Variants in F10 observed in about 807,000 individuals in gnomAD.
F10 encodes Stuart-Prower factor.
In F10, 29 loss-of-function variants were observed where a neutral mutation model predicts 37.1. The observed-to-expected ratio is 0.78, with a 90% CI of 0.58 to 1.07. The LOEUF (loss-of-function observed/expected upper bound fraction) is 1.07, where lower values mean the gene tolerates loss of function less well. Ranked by LOEUF, F10 falls within the 50% of genes least tolerant of loss-of-function variation. The pLI is 0.00. For synonymous variants in F10, 262 were observed against 268.6 expected (o/e 0.98, Z 0.24); for missense variants, 539 against 667.9 (o/e 0.81, Z 2.13).
chr13:113,143,700 C>CCAAGTCAGTGTAGATCTCG lies in F10; in HGVS notation c.503-151_503-150insCAAGTCAGTGTAGATCTCG. The stretch of plus-strand genomic sequence containing the variant: ...CTGCAGATCCGACCCCTGCCGACGA[C>CCAAGTCAGTGTAGATCTCG]GTGGGGCCTCGCCCTGCAAGCCCGC... On this transcript the variant is annotated intron_variant, in intron 5 of 7. Transcript: ENST00000375559. This position sits in a 1 kb window ranked among gnomAD's most constrained non-coding sequence, Gnocchi z 6.8. 1 of 1,143,906 alleles carries CCAAGTCAGTGTAGATCTCG rather than the reference C, an allele frequency of 8.7e-7. No individual in the cohort carries two copies. The highest frequency in any genetic ancestry group is 2.5e-5 in the Admixed American group (1 of 40,568). The allele number at this position is 1,143,906 out of a possible 1,614,324, so 70.9% of individuals were successfully genotyped here.
rs772202237 is a variant in F10 at position 113,139,329 on chromosome 13, C to T, written c.257-28C>T. 4 of 1,585,918 alleles carry T rather than the reference C, an allele frequency of 2.5e-6. No homozygotes were observed. Among genetic ancestry groups the T allele is most frequent in the Non-Finnish European group, 3.5e-6 (4 of 1,154,872 alleles). ...CATGATGCCGGAAACAGCTTGCAGA[C>T]TCCAGTTTCGAAATCCTCTCTTTGC... On this transcript the variant is annotated intron_variant, in intron 3 of 7. Transcript: ENST00000375559. This position sits in a 1 kb window ranked among gnomAD's most constrained non-coding sequence, Gnocchi z 5.2.
chr13:113,137,343 A>C (rs939932365), intron 2 of F10, among the ~76,000 whole-genome samples: 2 of 151,612 alleles, frequency 1.3e-5, no homozygotes, highest in East Asian at 3.9e-4. Flanking sequence ...GGGTTTGCCA[A>C]GGGTTGGCAG....
Position 113,146,824 on chromosome 13 carries a change from T to C in F10, c.748-555T>C, listed in dbSNP as rs2036586693. On this transcript the variant is annotated intron_variant, in intron 6 of 7. Transcript: ENST00000375559. The surrounding 1 kb of genome is among the most constrained non-coding windows in gnomAD (Gnocchi z 4.5). Reference sequence around the variant, plus strand: ...AGTCCAGCTCCCTAGGGACAGCATGTGGCACCCCTGTCAGTGCTTGCTCCC... The same window carrying C: ...AGTCCAGCTCCCTAGGGACAGCATGCGGCACCCCTGTCAGTGCTTGCTCCC... 6.6e-6 allele frequency among the ~76,000 whole-genome samples: 1 copy of C among 152,124 alleles called. No individual in the cohort carries two copies. Among genetic ancestry groups the C allele is most frequent in the Non-Finnish European group, 1.5e-5 (1 of 68,010 alleles).
In F10 at chr13:113,122,918, G is replaced by A; in HGVS notation, c.63G>A (p.Gly21=). The change falls in exon 1 of 8, where the codon GGG becomes GGA. Residue 21 remains glycine (G), a synonymous_variant. Coordinates refer to ENST00000375559, the MANE Select transcript of F10 (RefSeq NM_000504.4). The part of the protein sequence containing the change: ...SASLAGLLLL[G]ESLFIRREQA... Reference sequence around the variant, plus strand: ...CCCTGGCTGGCCTCCTGCTGCTCGGGGAAAGTCGTAAGTGCCCCTCGCCCT... The same window carrying A: ...CCCTGGCTGGCCTCCTGCTGCTCGGAGAAAGTCGTAAGTGCCCCTCGCCCT... 3 of 1,609,860 alleles carry A rather than the reference G, an allele frequency of 1.9e-6. No individual in the cohort carries two copies. The highest frequency in any genetic ancestry group is 2.7e-5 in the African/African-American group (2 of 75,070).
At chr13:113,130,009 G>A (rs1374159202) in intron 2 of F10, 1 of 336,762 alleles carries the variant, frequency 3.0e-6, no homozygotes, top group Non-Finnish European at 5.8e-6. Flanking sequence ...GTCCTGCCTT[G>A]GCCTCCGTAG....
intron 2 of F10, among the ~76,000 whole-genome samples, chr13:113,132,337 TCTTTA>T (rs1407503113): frequency 6.6e-6 from 1 of 152,230 alleles, no homozygotes; most frequent in African/African-American, 2.4e-5. Context: ...CAAACACTCT[TCTTTA>T]CTTATATATA....
intron 2 of F10, among the ~76,000 whole-genome samples, chr13:113,137,915 T>G (rs539091956): frequency 6.6e-6 from 1 of 152,340 alleles, no homozygotes; most frequent in East Asian, 1.9e-4. Context: ...AAGGTTCTAT[T>G]CTGAGGCTGC....
Position 113,149,525 on chromosome 13 carries a change from C to T in F10, c.*8C>T. On this transcript the variant is annotated 3_prime_UTR_variant, in exon 8 of 8. Transcript: ENST00000375559. This position sits in a 1 kb window ranked among gnomAD's most constrained non-coding sequence, Gnocchi z 7.5. Reference sequence around the variant, plus strand: ...TCCTCTCCATTAAAGTGAGATCCCACTCAAGGCCTGGTTTGTCTCTCGATT... The same window carrying T: ...TCCTCTCCATTAAAGTGAGATCCCATTCAAGGCCTGGTTTGTCTCTCGATT... The T allele has an allele frequency of 1.2e-6, 2 of 1,613,018 alleles. No homozygotes were observed. Among genetic ancestry groups the T allele is most frequent in the South Asian group, 1.1e-5 (1 of 91,086 alleles).
At chr13:113,124,418 C>T (rs1387920046) in intron 1 of F10, among the ~76,000 whole-genome samples, 2 of 152,228 alleles carry the variant, frequency 1.3e-5, no homozygotes, top group South Asian at 2.1e-4. Context: ...CTGTGTGATG[C>T]GGGCCTGGCT....
Position 113,143,725 on chromosome 13 carries a change from C to CTGCCCCTCCGGG in F10, c.503-118_503-107dup. On this transcript the variant is annotated intron_variant, in intron 5 of 7. Transcript: ENST00000375559. The surrounding 1 kb of genome is among the most constrained non-coding windows in gnomAD (Gnocchi z 6.8). ...CGTGGGGCCTCGCCCTGCAAGCCCG[C>CTGCCCCTCCGGG]TGCCCCTCCGGGTGCCCCTGCGCTC... is the stretch of plus-strand genomic sequence containing the variant. 1 of 1,456,344 alleles carries CTGCCCCTCCGGG rather than the reference C, an allele frequency of 6.9e-7. No homozygotes were observed. The highest frequency in any genetic ancestry group is 2.5e-4 in the Middle Eastern group (1 of 4,024). The allele number at this position is 1,456,344 out of a possible 1,614,324, so 90.2% of individuals were successfully genotyped here. A position where few individuals can be genotyped will look rare whatever the true frequency, so the allele number is the denominator to read the frequency against.
At chr13:113,148,045 A>AG (rs1354914792) in intron 7 of F10, among the ~76,000 whole-genome samples, 3 of 152,178 alleles carry the variant, frequency 2.0e-5, no homozygotes, top group Non-Finnish European at 4.4e-5. Flanking sequence ...ATATAAAAAA[A>AG]CAGGCTGGGT....
In F10 at chr13:113,147,493, G is replaced by A; in HGVS notation, c.862G>A (p.Val288Ile). ...LYQAKRFKVR[V>I]GDRNTEQEEG... ...CCAAGCCAAGAGATTCAAGGTGAGG[G>A]TAGGTAAGTGACCAACAGCCCCCAG... The change falls in exon 7 of 8, where the codon GTA becomes ATA. Residue 288 changes from valine to isoleucine, a missense_variant. Physicochemically the swap from Val to Ile is conservative, Grantham distance 29 (BLOSUM62 3). Coordinates refer to ENST00000375559, the MANE Select transcript of F10 (RefSeq NM_000504.4). 4 of 1,605,804 alleles carry A rather than the reference G, an allele frequency of 2.5e-6. No individual in the cohort carries two copies. The highest frequency in any genetic ancestry group is 3.4e-6 in the Non-Finnish European group (4 of 1,172,336).
rs1209928296 is a variant in F10, at chr13:113,144,119, G to A, written c.747+24G>A. The A allele has an allele frequency of 2.5e-6, 4 of 1,612,696 alleles. No homozygotes were observed. Among genetic ancestry groups the A allele is most frequent in the African/African-American group, 1.3e-5 (1 of 74,916 alleles). On this transcript the variant is annotated intron_variant, in intron 6 of 7. Coordinates refer to ENST00000375559, the MANE Select transcript of F10 (RefSeq NM_000504.4). The surrounding 1 kb of genome is among the most constrained non-coding windows in gnomAD (Gnocchi z 6.4). ...AGGTAACAGTAGGATGTCCCCTCGG[G>A]CCTGCTGGAGAGACCACCTGTCCCG...
rs1162207115 is a variant in F10 at position 113,143,687 on chromosome 13, C to T, written c.503-164C>T. Among the ~76,000 whole-genome samples the T allele has an allele frequency of 6.6e-6, 1 of 152,168 alleles. No homozygotes were observed. ...CAGCTGCGCTCACCTGCAGATCCGA[C>T]CCCTGCCGACGACGTGGGGCCTCGC... On this transcript the variant is annotated intron_variant, in intron 5 of 7. Coordinates refer to ENST00000375559, the MANE Select transcript of F10 (RefSeq NM_000504.4). The surrounding 1 kb of genome is among the most constrained non-coding windows in gnomAD (Gnocchi z 6.8).
intron 7 of F10, among the ~76,000 whole-genome samples, chr13:113,148,350 ATATATATATATATGTATATATATATGTG>A (rs1566922275): frequency 2.1e-4 from 23 of 109,324 alleles, no homozygotes; most frequent in African/African-American, 7.5e-4. Context: ...AAAAAAATAT[ATATATATATATATGTATATATATATGTG>A]TATATATATA....
intron 6 of F10, among the ~76,000 whole-genome samples, chr13:113,145,175 C>T (rs577114625): frequency 1.8e-4 from 28 of 152,250 alleles, no homozygotes; most frequent in African/African-American, 5.1e-4. Context: ...ACAATGTGCC[C>T]GGCCATGCCT....
At position 113,124,167 on chromosome 13, in the gene F10, G is replaced by A. The variant is rs565553733; in HGVS notation, c.70+1242G>A. On this transcript the variant is annotated intron_variant, in intron 1 of 7. Transcript: ENST00000375559. ...CCGGGGCTCCCGAGGCCCTAAGCCCGGCCCGGGACTCTGGAAGCTGCTCTG... is the reference window on the plus strand; with the variant it reads ...CCGGGGCTCCCGAGGCCCTAAGCCCAGCCCGGGACTCTGGAAGCTGCTCTG... 2.3e-3 allele frequency among the ~76,000 whole-genome samples: 352 copies of A among 151,896 alleles called. 1 individual carries two copies. Among genetic ancestry groups the A allele is most frequent in the African/African-American group, 8.1e-3 (332 of 41,220 alleles).
At chr13:113,125,797 G>C (rs927906900) in intron 1 of F10, among the ~76,000 whole-genome samples, 1 of 152,248 alleles carries the variant, frequency 6.6e-6, no homozygotes, top group Non-Finnish European at 1.5e-5. Context: ...TGCTAGGCAC[G>C]GGCATACAGC....
rs1051678058 is a variant in F10, at chr13:113,144,322, C to T, written c.747+227C>T. ...GGCCGGGGCTGAGGGAGAGGCTGGG[C>T]CCAGGCAACGCCCCCCTCAGCCCCT... On this transcript the variant is annotated intron_variant, in intron 6 of 7. Transcript: ENST00000375559. The surrounding 1 kb of genome is among the most constrained non-coding windows in gnomAD (Gnocchi z 6.4). 5.0e-5 allele frequency: 32 copies of T among 636,314 alleles called. No individual in the cohort carries two copies. Among genetic ancestry groups the T allele is most frequent in the Non-Finnish European group, 7.3e-5 (27 of 370,116 alleles). The allele number at this position is 636,314 out of a possible 1,614,324, so 39.4% of individuals were successfully genotyped here.
Sources: gnomAD v4.1 joint callset for allele counts (sites outside exome capture counted in the v4.1 genomes callset) on GRCh38, gnomAD v4.1.1 for gene constraint, Gnocchi (gnomAD v3.1) non-coding constraint, MANE v1.5 for transcripts, NCBI Gene and HGNC (gene_info 2026-07-23, HGNC 2026-07-21) for gene names.